Variants in FSTL4 observed in about 807,000 individuals in gnomAD.
The protein encoded by FSTL4 is follistatin like 4, also known as follistatin-related protein 4.
Under a neutral mutation model 78.2 loss-of-function variants are expected in FSTL4, and 28 were observed. The ratio of observed to expected loss-of-function variants is 0.36; its 90% CI spans 0.27 to 0.49. The LOEUF (loss-of-function observed/expected upper bound fraction) is 0.49. Among genes scored for constraint, FSTL4 ranks in the 20% least tolerant of loss-of-function variants. The pLI is 0.98. For missense variants in FSTL4, 922 were observed against 1,084.9 expected, an observed-to-expected ratio of 0.85 and a Z score of 2.11; for synonymous variants, 422 against 440.5, an observed-to-expected ratio of 0.96 and a Z score of 0.53.
rs1378768765 is a variant in FSTL4, at chr5:133,314,105, C to T, written c.604-1328G>A. Among the ~76,000 whole-genome samples, 2 of 152,212 alleles carry T rather than the reference C, an allele frequency of 1.3e-5. 1 individual carries two copies. The highest frequency in any genetic ancestry group is 2.9e-5 in the Non-Finnish European group (2 of 68,038). The stretch of plus-strand genomic sequence containing the variant: ...CATGTGGGCCTGGATACCAAGAGCT[C>T]ATAGCAGCTTCTGTTCAAGACAAGC... On this transcript the variant is annotated intron_variant, in intron 5 of 15. Transcript: ENST00000265342.
At chr5:133,257,022 A>G (rs1752395825) in intron 6 of FSTL4, among the ~76,000 whole-genome samples, 1 of 152,212 alleles carries the variant, frequency 6.6e-6, no homozygotes, top group Non-Finnish European at 1.5e-5. Context: ...CAGAGACTAT[A>G]TCTGTTTTAT....
At chr5:133,657,899 T>C in the FSTL4 span, among the ~76,000 whole-genome samples, 1 of 151,634 alleles carries the variant, frequency 6.6e-6, no homozygotes, top group Non-Finnish European at 1.5e-5. Context: ...CTACAAGAAA[T>C]AACATTTTAA....
intron 4 of FSTL4, among the ~76,000 whole-genome samples, chr5:133,342,064 G>C (rs535384665): frequency 1.3e-5 from 2 of 152,210 alleles, no homozygotes; most frequent in African/African-American, 4.8e-5. Flanking sequence ...GGGGTCCACA[G>C]AGGCCCCAGG....
chr5:133,624,240 A>C, the FSTL4 span, among the ~76,000 whole-genome samples: 2 of 152,038 alleles, frequency 1.3e-5, no homozygotes, highest in South Asian at 2.1e-4. Context: ...ATTGTGGTAT[A>C]TGCATACAAT....
At chr5:133,461,768 T>G (rs988236193) in intron 3 of FSTL4, among the ~76,000 whole-genome samples, 2 of 152,260 alleles carry the variant, frequency 1.3e-5, no homozygotes, top group Non-Finnish European at 2.9e-5. Context: ...ATCATGCCAT[T>G]TGATCAGCCT....
chr5:133,607,938 A>G (rs749247916), intron 1 of FSTL4, among the ~76,000 whole-genome samples: 19 of 152,190 alleles, frequency 1.2e-4, no homozygotes, highest in African/African-American at 2.9e-4. Flanking sequence ...GAGGGGAACC[A>G]TAAAAAGATG....
intron 3 of FSTL4, among the ~76,000 whole-genome samples, chr5:133,441,877 G>A (rs910044903): frequency 1.3e-5 from 2 of 152,174 alleles, no homozygotes; most frequent in Non-Finnish European, 2.9e-5. Context: ...GCAGGGCCTG[G>A]GACAAGTGGA....
intron 3 of FSTL4, among the ~76,000 whole-genome samples, chr5:133,414,045 C>T (rs909316715): frequency 4.6e-5 from 7 of 152,080 alleles, no homozygotes; most frequent in African/African-American, 1.2e-4. Flanking sequence ...TTTAAAAGAG[C>T]TCACATTTTC....
chr5:133,743,726 G>A, the FSTL4 span, among the ~76,000 whole-genome samples: 3 of 152,152 alleles, frequency 2.0e-5, no homozygotes, highest in African/African-American at 2.4e-5. Flanking sequence ...AAAGCTATGG[G>A]TAAACTCAGC....
chr5:133,232,404 T>C (rs1483260751), intron 8 of FSTL4, among the ~76,000 whole-genome samples: 1 of 152,166 alleles, frequency 6.6e-6, no homozygotes, highest in Non-Finnish European at 1.5e-5. Flanking sequence ...TTGAACGTTT[T>C]CTCTGGGTCT....
At chr5:133,627,698 C>T in the FSTL4 span, among the ~76,000 whole-genome samples, 33 of 152,224 alleles carry the variant, frequency 2.2e-4, no homozygotes, top group African/African-American at 6.7e-4. Flanking sequence ...TTCTGAAAAT[C>T]TCTTTTAATA....
chr5:133,417,466 T>C (rs538183670), intron 3 of FSTL4, among the ~76,000 whole-genome samples: 45 of 152,270 alleles, frequency 3.0e-4, no homozygotes, highest in Non-Finnish European at 5.7e-4. Flanking sequence ...AAGGAATATT[T>C]GAAAATATAT....
chr5:133,295,592 C>A (rs1475771329), intron 6 of FSTL4, among the ~76,000 whole-genome samples: 1 of 152,208 alleles, frequency 6.6e-6, no homozygotes, highest in Non-Finnish European at 1.5e-5. Flanking sequence ...AAACCCAATC[C>A]AATGAGACTT....
chr5:133,366,922 C>A (rs1327388290), intron 4 of FSTL4, among the ~76,000 whole-genome samples: 1 of 152,084 alleles, frequency 6.6e-6, no homozygotes, highest in Non-Finnish European at 1.5e-5. Flanking sequence ...CATTCTAATG[C>A]TGTTAAATGA....
chr5:133,772,721 C>T, the FSTL4 span, among the ~76,000 whole-genome samples: 1 of 152,150 alleles, frequency 6.6e-6, no homozygotes, highest in African/African-American at 2.4e-5. Context: ...CCTGCAATAA[C>T]AAACCCACTT....
upstream of FSTL4, among the ~76,000 whole-genome samples, chr5:133,615,079 T>C (rs1200647230): frequency 1.3e-5 from 2 of 152,204 alleles, no homozygotes; most frequent in African/African-American, 4.8e-5. Context: ...TACTCAGAGA[T>C]GACACATAGC....
intron 3 of FSTL4, among the ~76,000 whole-genome samples, chr5:133,525,971 G>A (rs999072883): frequency 2.0e-5 from 3 of 152,068 alleles, no homozygotes; most frequent in Non-Finnish European, 2.9e-5. Context: ...CACTGTGCTG[G>A]GTGCTAGGGT....
chr5:133,686,090 T>C, the FSTL4 span, among the ~76,000 whole-genome samples: 1 of 152,200 alleles, frequency 6.6e-6, no homozygotes, highest in Non-Finnish European at 1.5e-5. Flanking sequence ...TTTTCTCCCC[T>C]GATGTCAAAT....
chr5:133,239,008 C>T (rs898518752), intron 7 of FSTL4, among the ~76,000 whole-genome samples: 13 of 152,168 alleles, frequency 8.5e-5, no homozygotes, highest in East Asian at 3.9e-4. Context: ...GGGCGGGAAC[C>T]GGGGCTGTGC....
Sources: allele counts gnomAD v4.1 joint callset (sites outside exome capture counted in the v4.1 genomes callset), GRCh38; gene constraint gnomAD v4.1.1; transcripts MANE v1.5; gene names NCBI Gene and HGNC (gene_info 2026-07-23, HGNC 2026-07-21).